Variants in PCDH9 observed in about 807,000 individuals in gnomAD.
The protein encoded by PCDH9 is protocadherin 9, also known as protocadherin-9.
PCDH9 carries 24 observed loss-of-function variants against 70.6 expected under a neutral mutation model. That is an observed-to-expected ratio of 0.34 (90% CI 0.25 to 0.48). The LOEUF is 0.48. PCDH9 is among the 20% of genes least tolerant of loss of function. The probability of loss-of-function intolerance (pLI) is 0.99; values close to 1 mark genes in which losing one functional copy is unlikely to be tolerated. For synonymous variants in PCDH9, 562 were observed against 558.5 expected, an observed-to-expected ratio of 1.01 and a Z score of -0.09; for missense variants, 1,281 against 1,503.6, an observed-to-expected ratio of 0.85 and a Z score of 2.45.
In PCDH9 at chr13:66,846,635, C is replaced by A. The variant is rs765197570; in HGVS notation, c.3138+56869G>T. Among the ~76,000 whole-genome samples the A allele has an allele frequency of 5.3e-5, 8 of 151,994 alleles. No individual in the cohort carries two copies. The South Asian group carries it at 6.2e-4, about 12-fold the overall frequency. On this transcript the variant is annotated intron_variant, in intron 3 of 4. Transcript: ENST00000377865. ...CGCTTTCCTTCTCGTTCACTTCTTG[C>A]CAGAAATAAAATTATTATTCACTGT...
intron 4 of PCDH9, among the ~76,000 whole-genome samples, chr13:66,593,591 G>T (rs1008043306): frequency 1.3e-5 from 2 of 151,580 alleles, no homozygotes; most frequent in African/African-American, 4.8e-5. Context: ...TCTTATAGGA[G>T]AAAAATTTTT....
intron 2 of PCDH9, among the ~76,000 whole-genome samples, chr13:66,919,339 C>A (rs1357473134): frequency 6.6e-6 from 1 of 151,190 alleles, no homozygotes; most frequent in Non-Finnish European, 1.5e-5. Flanking sequence ...CAAGCTTACA[C>A]CTTCCTTACT....
intron 3 of PCDH9, among the ~76,000 whole-genome samples, chr13:66,643,145 T>A (rs2077729574): frequency 6.6e-6 from 1 of 152,014 alleles, no homozygotes; most frequent in Non-Finnish European, 1.5e-5. Flanking sequence ...GAAGTTTTAA[T>A]AAACATTAAT....
intron 3 of PCDH9, among the ~76,000 whole-genome samples, chr13:66,746,958 AT>A (rs1442879486): frequency 6.6e-6 from 1 of 151,922 alleles, no homozygotes; most frequent in African/African-American, 2.4e-5. Flanking sequence ...ATTTCTTGCT[AT>A]TTTTTCCTAA....
chr13:66,418,130 A>G (rs1030367836), intron 4 of PCDH9, among the ~76,000 whole-genome samples: 5 of 152,042 alleles, frequency 3.3e-5, no homozygotes, highest in African/African-American at 1.2e-4. Context: ...TAGGGTTTTT[A>G]TGGTTTTAGG....
chr13:67,148,859 T>C (rs1198401510), intron 2 of PCDH9, among the ~76,000 whole-genome samples: 1 of 152,218 alleles, frequency 6.6e-6, no homozygotes, highest in Non-Finnish European at 1.5e-5. Context: ...GACATTAATT[T>C]GATCTTTAAA....
chr13:66,770,011 A>T (rs1174478619), intron 3 of PCDH9, among the ~76,000 whole-genome samples: 1 of 152,148 alleles, frequency 6.6e-6, no homozygotes, highest in African/African-American at 2.4e-5. Context: ...AATACTTTAA[A>T]AACAAACCTC....
intron 4 of PCDH9, among the ~76,000 whole-genome samples, chr13:66,352,553 T>A (rs897264591): frequency 5.3e-5 from 8 of 152,092 alleles, no homozygotes; most frequent in Non-Finnish European, 1.2e-4. Flanking sequence ...GGAGTTCCAG[T>A]GGAGAGGGCT....
At chr13:66,870,966 T>A (rs2081667547) in intron 3 of PCDH9, among the ~76,000 whole-genome samples, 1 of 152,060 alleles carries the variant, frequency 6.6e-6, no homozygotes, top group African/African-American at 2.4e-5. Context: ...CTATTCACAA[T>A]AGCAAAGACT....
At chr13:67,203,549 T>C (rs1422454494) in intron 2 of PCDH9, 1 of 152,076 alleles carries the variant, frequency 6.6e-6, no homozygotes, top group African/African-American at 2.4e-5. Context: ...GTGAGCTGGG[T>C]CTGTAAAGGT....
At chr13:66,998,490 T>A (rs987073858) in intron 2 of PCDH9, among the ~76,000 whole-genome samples, 2 of 152,220 alleles carry the variant, frequency 1.3e-5, no homozygotes, top group African/African-American at 2.4e-5. Context: ...TGTGTCTGTG[T>A]CACTCAGATC....
chr13:67,027,079 G>A (rs1250427554), intron 2 of PCDH9, among the ~76,000 whole-genome samples: 2 of 151,868 alleles, frequency 1.3e-5, no homozygotes, highest in African/African-American at 4.8e-5. Flanking sequence ...AAGTTCATAT[G>A]GAACCAAAAA....
chr13:66,879,378 A>T (rs964810024), intron 3 of PCDH9, among the ~76,000 whole-genome samples: 12 of 152,136 alleles, frequency 7.9e-5, no homozygotes, highest in African/African-American at 2.4e-4. Flanking sequence ...CTACTCCAAA[A>T]TGTATTCTTA....
chr13:66,593,325 C>T (rs184124053), intron 4 of PCDH9, among the ~76,000 whole-genome samples: 9 of 151,606 alleles, frequency 5.9e-5, no homozygotes, highest in African/African-American at 2.2e-4. Context: ...CATGATATGG[C>T]TGGAAGACAT....
At chr13:66,550,577 C>A (rs1246152830) in intron 4 of PCDH9, among the ~76,000 whole-genome samples, 1 of 152,130 alleles carries the variant, frequency 6.6e-6, no homozygotes, top group African/African-American at 2.4e-5. Context: ...ACATCTTGAA[C>A]CTTAAGTTAA....
intron 2 of PCDH9, among the ~76,000 whole-genome samples, chr13:67,081,537 C>T (rs2138184694): frequency 6.6e-6 from 1 of 152,216 alleles, no homozygotes; most frequent in South Asian, 2.1e-4. Flanking sequence ...CACTGCACTC[C>T]AGCTGGGGCA....
chr13:67,163,023 T>C (rs949604210), intron 2 of PCDH9, among the ~76,000 whole-genome samples: 6 of 152,206 alleles, frequency 3.9e-5, no homozygotes, highest in African/African-American at 1.4e-4. Context: ...GCAAAAACAA[T>C]TAATTAATCA....
rs1023487670 is a variant in PCDH9, at chr13:67,230,165, G to T, written c.-521C>A. Reference sequence around the variant, plus strand: ...TTCTTGTAGGAAACGTCAGAGTTGCGGTGATGATGATTCTCTGACAGCTAT... The same window carrying T: ...TTCTTGTAGGAAACGTCAGAGTTGCTGTGATGATGATTCTCTGACAGCTAT... On this transcript the variant is annotated 5_prime_UTR_variant, in exon 1 of 5. Transcript: ENST00000377865. 1.3e-5 allele frequency: 2 copies of T among 152,290 alleles called. No individual in the cohort carries two copies. Among genetic ancestry groups the T allele is most frequent in the Admixed American group, 1.3e-4 (2 of 15,296 alleles). 9.4% of individuals were successfully genotyped at this position (152,290 alleles called of 1,614,324 possible).
chr13:66,838,043 T>C (rs75597593), intron 3 of PCDH9, among the ~76,000 whole-genome samples: 2,568 of 152,330 alleles, frequency 0.017, 40 homozygotes, highest in Non-Finnish European at 0.028. Context: ...AAATTTAAAA[T>C]GAAATTAATC....
Sources: gnomAD v4.1 joint callset for allele counts (sites outside exome capture counted in the v4.1 genomes callset) on GRCh38, gnomAD v4.1.1 for gene constraint, MANE v1.5 for transcripts, NCBI Gene and HGNC (gene_info 2026-07-23, HGNC 2026-07-21) for gene names.